The following KDM4C variants were observed in gnomAD, a reference collection of about 807,000 sequenced individuals.
KDM4C encodes the protein lysine demethylase 4C.
KDM4C carries 81 observed loss-of-function variants against 129.3 expected under a neutral mutation model. The observed-to-expected ratio is 0.63, with a 90% CI of 0.52 to 0.75. The LOEUF (loss-of-function observed/expected upper bound fraction) is 0.75. Ranked by LOEUF, KDM4C falls within the 30% of genes least tolerant of loss-of-function variation. The pLI, the probability that KDM4C is intolerant of heterozygous loss-of-function variation, is 0.00. For synonymous variants in KDM4C, 573 were observed against 456.1 expected (o/e 1.26, Z -3.26); for missense variants, 1,457 against 1,304.0 (o/e 1.12, Z -1.81).
chr9:6,953,042 T>A (rs1828460794), intron 8 of KDM4C, among the ~76,000 whole-genome samples: 1 of 152,228 alleles, frequency 6.6e-6, no homozygotes, highest in South Asian at 2.1e-4. Flanking sequence ...ATGTAATGCA[T>A]TATCTGAGCC....
intron 12 of KDM4C, among the ~76,000 whole-genome samples, chr9:6,991,610 AG>A (rs1450653516): frequency 6.6e-6 from 1 of 152,188 alleles, no homozygotes; most frequent in East Asian, 1.9e-4. Context: ...TGTGTCTGTG[AG>A]AATACTGTTA....
chr9:6,964,252 C>A (rs9802841), intron 8 of KDM4C, among the ~76,000 whole-genome samples: 65,522 of 146,002 alleles, frequency 0.45, 16,209 homozygotes, highest in East Asian at 0.78. Context: ...CCCTGACCCC[C>A]CAACAGGCCC....
intron 19 of KDM4C, among the ~76,000 whole-genome samples, chr9:7,135,501 T>A (rs942223407): frequency 1.3e-5 from 2 of 152,172 alleles, no homozygotes; most frequent in East Asian, 3.9e-4. Context: ...TTCTCAGTGC[T>A]GAATATTCAT....
At chr9:6,966,990 T>A (rs1356256930) in intron 8 of KDM4C, among the ~76,000 whole-genome samples, 2 of 152,122 alleles carry the variant, frequency 1.3e-5, no homozygotes, top group Non-Finnish European at 2.9e-5. Context: ...CACTAAAAAA[T>A]TGAATTAGCA....
At chr9:6,782,191 C>T (rs1021551111) in intron 1 of KDM4C, among the ~76,000 whole-genome samples, 10 of 152,060 alleles carry the variant, frequency 6.6e-5, no homozygotes, top group Non-Finnish European at 4.4e-5. Context: ...AGATTGATGA[C>T]GTGTGTGGAG....
chr9:6,752,541 G>C (rs1325939116), intron 1 of KDM4C, among the ~76,000 whole-genome samples: 1 of 150,720 alleles, frequency 6.6e-6, no homozygotes, highest in African/African-American at 2.4e-5. Flanking sequence ...CTCCTGAGTA[G>C]CTGGGTTTAC....
At chr9:6,928,521 A>C (rs1823050329) in intron 8 of KDM4C, among the ~76,000 whole-genome samples, 1 of 152,006 alleles carries the variant, frequency 6.6e-6, no homozygotes, top group Non-Finnish European at 1.5e-5. Context: ...TGGTTTCACC[A>C]AGATTGTAGA....
At chr9:6,850,357 G>C (rs946738454) in intron 5 of KDM4C, among the ~76,000 whole-genome samples, 1 of 152,202 alleles carries the variant, frequency 6.6e-6, no homozygotes, top group African/African-American at 2.4e-5. Context: ...GTATGTAGGA[G>C]GTAGTTAGGA....
At chr9:6,831,500 G>A (rs1372636462) in intron 4 of KDM4C, among the ~76,000 whole-genome samples, 4 of 151,988 alleles carry the variant, frequency 2.6e-5, no homozygotes, top group African/African-American at 9.7e-5. Context: ...GTGCCACCAC[G>A]CCCAGCTAAT....
intron 19 of KDM4C, among the ~76,000 whole-genome samples, chr9:7,154,921 G>A (rs1843017408): frequency 6.6e-6 from 1 of 152,126 alleles, no homozygotes; most frequent in South Asian, 2.1e-4. Flanking sequence ...AAGATGGACT[G>A]CTTCAAAGAG....
chr9:7,170,430 G>T (rs1267638857), intron 21 of KDM4C: 5 of 987,884 alleles, frequency 5.1e-6, no homozygotes, highest in Non-Finnish European at 6.0e-6. Context: ...GCTAGTTGTG[G>T]GAATACTAAA....
intron 1 of KDM4C, among the ~76,000 whole-genome samples, chr9:6,745,322 G>C (rs1817838525): frequency 6.6e-6 from 1 of 152,084 alleles, no homozygotes; most frequent in African/African-American, 2.4e-5. Flanking sequence ...ATTTAGGCCA[G>C]GGATGGTGGC....
chr9:6,821,832 G>A (rs1411386078), intron 4 of KDM4C, among the ~76,000 whole-genome samples: 3 of 152,014 alleles, frequency 2.0e-5, no homozygotes, highest in South Asian at 2.1e-4. Flanking sequence ...ACCGTGATTC[G>A]CCATGTTGGC....
intron 12 of KDM4C, among the ~76,000 whole-genome samples, chr9:7,007,946 C>T (rs1038302996): frequency 1.3e-5 from 2 of 152,016 alleles, no homozygotes; most frequent in African/African-American, 2.4e-5. Context: ...AGCGCTTGTC[C>T]CCTGGCAGAA....
intron 19 of KDM4C, among the ~76,000 whole-genome samples, chr9:7,155,112 C>G (rs1188470843): frequency 6.6e-6 from 1 of 152,096 alleles, no homozygotes; most frequent in Non-Finnish European, 1.5e-5. Flanking sequence ...AGAAGTCGCC[C>G]AAGTCAGAGA....
At chr9:6,769,124 A>T (rs1821243379) in intron 1 of KDM4C, among the ~76,000 whole-genome samples, 1 of 152,080 alleles carries the variant, frequency 6.6e-6, no homozygotes, top group South Asian at 2.1e-4. Context: ...TCTTAAGTGA[A>T]GCTGGTTTGC....
chr9:6,721,946 T>G (rs1461690284), intron 1 of KDM4C, among the ~76,000 whole-genome samples: 1 of 152,114 alleles, frequency 6.6e-6, no homozygotes, highest in Admixed American at 6.6e-5. Flanking sequence ...GGTGTTGAGC[T>G]CCTGGGTGCA....
chr9:6,725,415 C>A, intron 1 of KDM4C, among the ~76,000 whole-genome samples: 1 of 151,950 alleles, frequency 6.6e-6, no homozygotes. Context: ...TGGTAATTGC[C>A]TTGTATAATG....
At chr9:6,788,121 G>T (rs1410832540) in intron 1 of KDM4C, among the ~76,000 whole-genome samples, 1 of 151,898 alleles carries the variant, frequency 6.6e-6, no homozygotes, top group Non-Finnish European at 1.5e-5. Flanking sequence ...TTGTTCCTCC[G>T]AAGTACCTTC....
Sources: allele counts gnomAD v4.1 joint callset (sites outside exome capture counted in the v4.1 genomes callset), GRCh38; gene constraint gnomAD v4.1.1; transcripts MANE v1.5; gene names NCBI Gene and HGNC (gene_info 2026-07-23, HGNC 2026-07-21).